Variants in EPSTI1 observed in about 807,000 individuals in gnomAD.
EPSTI1 encodes epithelial-stromal interaction protein 1.
In EPSTI1, 66 loss-of-function variants were observed where a neutral mutation model predicts 49.9. The observed-to-expected ratio is 1.32, with a 90% CI of 1.08 to 1.62. The LOEUF (loss-of-function observed/expected upper bound fraction) is 1.62. Ranked by LOEUF, EPSTI1 falls within the 40% of genes most tolerant of loss-of-function variation. The pLI is 0.00. For missense variants in EPSTI1, 394 were observed against 365.5 expected (o/e 1.08, Z -0.64); for synonymous variants, 137 against 130.7 (o/e 1.05, Z -0.33).
chr13:42,894,103 A>G (rs147290808), intron 10 of EPSTI1, among the ~76,000 whole-genome samples: 118 of 152,358 alleles, frequency 7.7e-4, no homozygotes, highest in African/African-American at 2.7e-3. Flanking sequence ...CCACTCATCA[A>G]TGTAAACTAC....
At chr13:42,933,955 G>C (rs2038469413) in intron 6 of EPSTI1, 1 of 157,808 alleles carries the variant, frequency 6.3e-6, no homozygotes, top group Non-Finnish European at 1.4e-5. Flanking sequence ...TGAAATGCCT[G>C]GTCAGGGCAG....
chr13:42,931,581 G>T (rs1395040201), intron 6 of EPSTI1, among the ~76,000 whole-genome samples: 2 of 152,188 alleles, frequency 1.3e-5, no homozygotes, highest in Non-Finnish European at 2.9e-5. Context: ...CCACAAGAAA[G>T]ATATAAACTT....
At chr13:42,900,527 T>G (rs1045741107) in intron 8 of EPSTI1, 144 bp from the exon 9 acceptor site, 4 of 735,584 alleles carry the variant, frequency 5.4e-6, no homozygotes, top group Non-Finnish European at 6.6e-6. Context: ...GGATGTGAAA[T>G]TATTTTCTTA....
Position 42,969,129 on chromosome 13 carries a change from C to T in EPSTI1, c.296G>A (p.Arg99Lys), listed in dbSNP as rs151086652. ...ANLEKWKEQNRAKPVHLVPRR... is the reference protein window; with the variant it reads ...ANLEKWKEQNKAKPVHLVPRR... ...GGGCACCAGGTGAACCGGTTTAGCT[C>T]TGTTCTGCTCCTTCCACTTCTCCAG... Residue 99 changes from arginine (R) to lysine (K), a missense_variant, in exon 3 of 11, where the codon AGA becomes AAA. Coordinates refer to ENST00000313624, the MANE Select transcript of EPSTI1 (RefSeq NM_033255.5). 50 of 1,614,182 alleles carry T rather than the reference C, an allele frequency of 3.1e-5. 1 individual carries two copies. The African/African-American group carries it at 5.9e-4, about 19-fold the overall frequency.
intron 6 of EPSTI1, among the ~76,000 whole-genome samples, chr13:42,938,380 G>A (rs2038635207): frequency 1.3e-5 from 2 of 152,088 alleles, no homozygotes; most frequent in African/African-American, 2.4e-5. Context: ...CAGAGGTGCT[G>A]TCATCTAGGC....
chr13:42,987,875 G>A (rs1594767543), intron 1 of EPSTI1, among the ~76,000 whole-genome samples: 1 of 152,180 alleles, frequency 6.6e-6, no homozygotes, highest in East Asian at 1.9e-4. Context: ...TATACATAGT[G>A]TGCATTTACA....
chr13:42,897,308 T>C (rs897160609), intron 9 of EPSTI1, among the ~76,000 whole-genome samples: 14 of 152,192 alleles, frequency 9.2e-5, no homozygotes, highest in African/African-American at 3.4e-4. Flanking sequence ...CTCCAATTTC[T>C]TCTTTAACGT....
chr13:42,906,056 C>T (rs1049689064), intron 8 of EPSTI1, among the ~76,000 whole-genome samples: 1 of 152,188 alleles, frequency 6.6e-6, no homozygotes, highest in Non-Finnish European at 1.5e-5. Flanking sequence ...ATGAGGACAA[C>T]ACTGCAAATA....
intron 10 of EPSTI1, chr13:42,889,282 AATT>A (rs765875561): frequency 8.2e-7 from 1 of 1,212,996 alleles, no homozygotes; most frequent in South Asian, 1.5e-5. Context: ...ATATAAAAGC[AATT>A]ATTGAAGAAT....
In EPSTI1 at chr13:42,888,410, C is replaced by G. The variant is rs1389121576; in HGVS notation, c.*84G>C. 6 of 1,613,952 alleles carry G rather than the reference C, an allele frequency of 3.7e-6. No homozygotes were observed. Among genetic ancestry groups the G allele is most frequent in the Non-Finnish European group, 5.1e-6 (6 of 1,180,008 alleles). On this transcript the variant is annotated 3_prime_UTR_variant, in exon 11 of 11. Coordinates refer to ENST00000313624, the MANE Select transcript of EPSTI1 (RefSeq NM_033255.5). ...TGAAATTAAGGTAAAAACAGTGAGGCTGAACAAAATCACATTAAGAAAAAG... is the reference window on the plus strand; with the variant it reads ...TGAAATTAAGGTAAAAACAGTGAGGGTGAACAAAATCACATTAAGAAAAAG...
Position 42,969,096 on chromosome 13 carries a change from A to T in EPSTI1, c.329T>A (p.Leu110Gln). The change falls in exon 3 of 11, where the codon CTA becomes CAA. Residue 110 changes from leucine (L) to glutamine (Q), a missense_variant and splice_region_variant. By Grantham distance (113) the Leu-to-Gln change is moderately radical. Transcript: ENST00000313624. ...AKPVHLVPRR[L>Q]GGSQSETEVR... is the part of the protein sequence containing the mutation. ...CGGCAGCGGCTGTGCTTGCTTACCTAGCCGTCTGGGCACCAGGTGAACCGG... is the reference window on the plus strand; with the variant it reads ...CGGCAGCGGCTGTGCTTGCTTACCTTGCCGTCTGGGCACCAGGTGAACCGG... The T allele has an allele frequency of 6.2e-7, 1 of 1,614,070 alleles. No individual in the cohort carries two copies. Among genetic ancestry groups the T allele is most frequent in the Non-Finnish European group, 8.5e-7 (1 of 1,180,010 alleles).
chr13:42,909,454 TAAAAC>T (rs967086598), intron 8 of EPSTI1, among the ~76,000 whole-genome samples: 2 of 152,054 alleles, frequency 1.3e-5, no homozygotes, highest in African/African-American at 4.8e-5. Context: ...CCAAAGGAAA[TAAAAC>T]AAGTATGTCA....
chr13:42,949,675 T>A (rs543805508), intron 6 of EPSTI1, among the ~76,000 whole-genome samples: 4 of 152,148 alleles, frequency 2.6e-5, no homozygotes, highest in Non-Finnish European at 5.9e-5. Context: ...TTTAAATTGT[T>A]AATGTTTAAA....
intron 5 of EPSTI1, 45 bp downstream of exon 5, chr13:42,963,210 A>G (rs2039508819): frequency 3.4e-6 from 5 of 1,480,142 alleles, no homozygotes; most frequent in Non-Finnish European, 4.7e-6. Flanking sequence ...CAACGAAACT[A>G]TAATTGTTGA....
intron 1 of EPSTI1, among the ~76,000 whole-genome samples, chr13:42,975,989 G>T (rs2039874459): frequency 6.6e-6 from 1 of 152,194 alleles, no homozygotes; most frequent in African/African-American, 2.4e-5. Flanking sequence ...TACTTCCTCA[G>T]TAAAAATAAC....
At chr13:42,903,481 G>C (rs2037418383) in intron 8 of EPSTI1, among the ~76,000 whole-genome samples, 1 of 152,160 alleles carries the variant, frequency 6.6e-6, no homozygotes, top group Admixed American at 6.5e-5. Context: ...GGGTTGATCT[G>C]TGCAGCAAAC....
intron 10 of EPSTI1, among the ~76,000 whole-genome samples, chr13:42,891,612 C>A (rs1030790036): frequency 6.6e-6 from 1 of 152,046 alleles, no homozygotes; most frequent in African/African-American, 2.4e-5. Flanking sequence ...ATTTTTATTT[C>A]ATCAAACGTT....
intron 6 of EPSTI1, among the ~76,000 whole-genome samples, chr13:42,948,114 A>G (rs1447468721): frequency 6.6e-6 from 1 of 152,232 alleles, no homozygotes; most frequent in Non-Finnish European, 1.5e-5. Context: ...CACCGGCGCC[A>G]CCCAAAGCGG....
intron 7 of EPSTI1, among the ~76,000 whole-genome samples, chr13:42,921,992 A>G (rs2038014016): frequency 6.6e-6 from 1 of 152,254 alleles, no homozygotes; most frequent in Non-Finnish European, 1.5e-5. Context: ...TTCAAAGGAA[A>G]CTAAGAAAAC....
Sources: allele counts gnomAD v4.1 joint callset (sites outside exome capture counted in the v4.1 genomes callset), GRCh38; gene constraint gnomAD v4.1.1; transcripts MANE v1.5; gene names NCBI Gene and HGNC (gene_info 2026-07-23, HGNC 2026-07-21).